The following CLEC4F variants were observed in gnomAD, a reference collection of about 807,000 sequenced individuals.
The protein encoded by CLEC4F is C-type (calcium dependent, carbohydrate-recognition domain) lectin, superfamily member 13.
A neutral mutation model predicts 53.4 loss-of-function variants in CLEC4F; 45 were observed. The ratio of observed to expected loss-of-function variants is 0.84; its 90% CI spans 0.66 to 1.08. CLEC4F has a LOEUF of 1.08. Among genes scored for constraint, CLEC4F ranks in the 50% least tolerant of loss-of-function variants. CLEC4F has a pLI of 0.00. For synonymous variants in CLEC4F, 245 were observed against 257.5 expected (o/e 0.95, Z 0.46); for missense variants, 753 against 698.2 (o/e 1.08, Z -0.88).
At chr2:70,812,355 G>A (rs782785919) in intron 5 of CLEC4F, 92 bp downstream of exon 5, 258 of 1,425,976 alleles carry the variant, frequency 1.8e-4, no homozygotes, top group Middle Eastern at 2.5e-4. Context: ...GGAGGTCTCC[G>A]TCATACCCAC....
At chr2:70,817,236 C>T in intron 3 of CLEC4F, 124 bp from the exon 4 acceptor site, 1 of 988,922 alleles carries the variant, frequency 1.0e-6, no homozygotes, top group Non-Finnish European at 1.4e-6. Context: ...CTCAGTGCTC[C>T]CCCAAGCACC....
chr2:70,818,535 C>T (rs1553396993), intron 3 of CLEC4F, among the ~76,000 whole-genome samples: 1 of 151,932 alleles, frequency 6.6e-6, no homozygotes, highest in Non-Finnish European at 1.5e-5. Context: ...CACGGTGAAA[C>T]TCCGTCTCTA....
At chr2:70,813,474 C>G (rs537093221) in intron 4 of CLEC4F, among the ~76,000 whole-genome samples, 1 of 151,804 alleles carries the variant, frequency 6.6e-6, no homozygotes, top group Non-Finnish European at 1.5e-5. Context: ...GTTACTGGAG[C>G]TGAGTCTCTC....
upstream of CLEC4F, among the ~76,000 whole-genome samples, chr2:70,824,647 C>A (rs375682279): frequency 9.8e-3 from 373 of 38,120 alleles, no homozygotes; most frequent in South Asian, 0.022. Flanking sequence ...AAAAAAAAAA[C>A]TGAGGGAAGT....
chr2:70,817,007 T>G lies in CLEC4F; in HGVS notation c.374A>C (p.Lys125Thr), dbSNP rs913879369. ...CGAATTGACATTGTCCACTCTGCAC[T>G]TCAACATCTGGATTTCTACTACCCA... ...SAWVVEIQML[K>T]CRVDNVNSQL... The change falls in exon 4 of 7, where the codon AAG (lysine) becomes ACG (threonine). Residue 125 changes from lysine (K) to threonine (T), a missense_variant. Transcript: ENST00000272367. The G allele has an allele frequency of 6.2e-7, 1 of 1,614,200 alleles. No homozygotes were observed. The highest frequency in any genetic ancestry group is 1.1e-5 in the South Asian group (1 of 91,088).
Position 70,816,131 on chromosome 2 carries a change from G to C in CLEC4F, c.1250C>G (p.Ala417Gly), listed in dbSNP as rs782119245. The change falls in exon 4 of 7, where the codon GCC becomes GGC. Residue 417 changes from alanine to glycine, a missense_variant. Ala to Gly is a moderately conservative substitution (Grantham distance 60). Transcript: ENST00000272367. ...TQMLDSNLQK[A>G]SAEIQRLRGD... Reference sequence around the variant, plus strand: ...TCTTAACCTCTGGATCTCGGCACTGGCCTTCTGCAGATTGCTGTCTAACAT... The same window carrying C: ...TCTTAACCTCTGGATCTCGGCACTGCCCTTCTGCAGATTGCTGTCTAACAT... 3 of 1,614,190 alleles carry C rather than the reference G, an allele frequency of 1.9e-6. No homozygotes were observed. Among genetic ancestry groups the C allele is most frequent in the Non-Finnish European group, 2.5e-6 (3 of 1,180,020 alleles).
Position 70,809,738 on chromosome 2 carries a change from C to T in CLEC4F, c.1658+1G>A, listed in dbSNP as rs782518965. The T allele has an allele frequency of 1.9e-5, 30 of 1,612,222 alleles. No homozygotes were observed. The highest frequency in any genetic ancestry group is 5.0e-5 in the Admixed American group (3 of 60,000). On this transcript the variant is annotated splice_donor_variant, in intron 6 of 6. Coordinates refer to ENST00000272367, the MANE Select transcript of CLEC4F (RefSeq NM_173535.3). LOFTEE classifies it high-confidence loss of function. ...CAGCGCCAGATGGTGGCTAGACTCA[C>T]GCTTTGTTCTGGGCGGCGTTGAATG...
At chr2:70,819,735 G>A (rs782537788) in intron 2 of CLEC4F, 40 bp downstream of exon 2, 1 of 1,433,078 alleles carries the variant, frequency 7.0e-7, no homozygotes, top group East Asian at 2.3e-5. Flanking sequence ...GTGCTGAAAG[G>A]AGAGAAAGTT....
rs1265358749 is a variant in CLEC4F, at chr2:70,812,556, C to T, written c.1430G>A (p.Gly477Asp). The T allele has an allele frequency of 5.0e-6, 8 of 1,614,098 alleles. No individual in the cohort carries two copies. The highest frequency in any genetic ancestry group is 6.8e-6 in the Non-Finnish European group (8 of 1,180,052). Residue 477 changes from glycine to aspartate, a missense_variant, in exon 5 of 7, where the codon GGT (glycine) becomes GAT (aspartate). Transcript: ENST00000272367. ...ACTAGAAAAATAATATAAGCTTCCA[C>T]CATTGAACTTCCAGCCTTGCAGGAC... is the stretch of plus-strand genomic sequence containing the variant. Reference protein sequence around the residue: ...QMVLQGWKFNGGSLYYFSSVK... With the variant: ...QMVLQGWKFNDGSLYYFSSVK...
chr2:70,809,412 A>G, intron 6 of CLEC4F, 30 bp from the exon 7 acceptor site: 1 of 1,571,904 alleles, frequency 6.4e-7, no homozygotes, highest in Non-Finnish European at 8.6e-7. Flanking sequence ...AAAAACAGAA[A>G]GACCCACTCA....
At position 70,809,396 on chromosome 2, in the gene CLEC4F, G is replaced by C; in HGVS notation, c.1659-14C>G. On this transcript the variant is annotated splice_polypyrimidine_tract_variant and intron_variant, in intron 6 of 6. Coordinates refer to ENST00000272367, the MANE Select transcript of CLEC4F (RefSeq NM_173535.3). ...TTGGAACCAGGCCTGAGTAGGGCAGGGGGAAAAAAACAGAAAGACCCACTC... is the reference window on the plus strand; with the variant it reads ...TTGGAACCAGGCCTGAGTAGGGCAGCGGGAAAAAAACAGAAAGACCCACTC... The C allele has an allele frequency of 6.3e-7, 1 of 1,588,506 alleles. No homozygotes were observed. Among genetic ancestry groups the C allele is most frequent in the Non-Finnish European group, 8.6e-7 (1 of 1,168,168 alleles).
In CLEC4F at chr2:70,812,534, A is replaced by T; in HGVS notation, c.1452T>A (p.Ser484=). 1 of 1,614,238 alleles carries T rather than the reference A, an allele frequency of 6.2e-7. No individual in the cohort carries two copies. Among genetic ancestry groups the T allele is most frequent in the Non-Finnish European group, 8.5e-7 (1 of 1,180,032 alleles). The part of the protein sequence containing the change: ...KFNGGSLYYF[S]SVKKSWHEAE... ...CCTCATGCCAAGACTTCTTGACACT[A>T]GAAAAATAATATAAGCTTCCACCAT... is the stretch of plus-strand genomic sequence containing the variant. The change falls in exon 5 of 7, where the codon TCT becomes TCA. Residue 484 remains serine, a synonymous_variant. Transcript: ENST00000272367.
At chr2:70,817,622 C>T (rs1553396754) in intron 3 of CLEC4F, among the ~76,000 whole-genome samples, 1 of 152,142 alleles carries the variant, frequency 6.6e-6, no homozygotes, top group African/African-American at 2.4e-5. Context: ...ATAAAAACCA[C>T]CACAAACATA....
In CLEC4F at chr2:70,808,786, G is replaced by A; in HGVS notation, c.*485C>T. The A allele has an allele frequency of 2.4e-6, 1 of 421,882 alleles. No homozygotes were observed. Among genetic ancestry groups the A allele is most frequent in the Admixed American group, 3.6e-5 (1 of 27,422 alleles). 26.1% of individuals were successfully genotyped at this position (421,882 alleles called of 1,614,324 possible). On this transcript the variant is annotated 3_prime_UTR_variant, in exon 7 of 7. Coordinates refer to ENST00000272367, the MANE Select transcript of CLEC4F (RefSeq NM_173535.3). ...TCACTCGAGGTAAGCATGTTTGAAA[G>A]GGCTGAATCAAAGAACAAGGCAGGA...
upstream of CLEC4F, among the ~76,000 whole-genome samples, chr2:70,822,520 A>T (rs1383587284): frequency 5.9e-5 from 9 of 152,120 alleles, no homozygotes; most frequent in African/African-American, 2.2e-4. Flanking sequence ...AGTGCCATGG[A>T]GCTGTGCAAA....
Position 70,819,846 on chromosome 2 carries a change from C to T in CLEC4F, c.107G>A (p.Arg36Lys). The T allele has an allele frequency of 5.0e-6, 8 of 1,608,446 alleles. No individual in the cohort carries two copies. The highest frequency in any genetic ancestry group is 1.3e-5 in the African/African-American group (1 of 74,794). ...AAATGCCGGGGTAGCCTGAACGAGC[C>T]TCGGTATCTTGGGGGCTGCAGGAGC... The part of the protein sequence containing the change: ...AMAPAAPKIP[R>K]LVQATPAFMA... The change falls in exon 2 of 7, where the codon AGG (arginine) becomes AAG (lysine). Residue 36 changes from arginine (R) to lysine (K), a missense_variant. Transcript: ENST00000272367.
chr2:70,817,234 T>C (rs1333883382), intron 3 of CLEC4F, 122 bp from the exon 4 acceptor site: 1 of 1,046,432 alleles, frequency 9.6e-7, no homozygotes, highest in Non-Finnish European at 1.3e-6. Context: ...CCCTCAGTGC[T>C]CCCCCAAGCA....
At position 70,809,058 on chromosome 2, in the gene CLEC4F, AG is replaced by A. The variant is rs1415232629; in HGVS notation, c.*212del. 1.9e-5 allele frequency: 15 copies of A among 785,400 alleles called. No homozygotes were observed. Among genetic ancestry groups the A allele is most frequent in the Non-Finnish European group, 2.8e-5 (15 of 532,710 alleles). The allele number at this position is 785,400 out of a possible 1,614,324, so 48.7% of individuals were successfully genotyped here. ...GCCCATTCTTGTGCCGCCAGTTGTC[AG>A]ACTGATTCTTTTCCCAAAACCCGAA... On this transcript the variant is annotated 3_prime_UTR_variant, in exon 7 of 7. Transcript: ENST00000272367.
chr2:70,824,220 C>T (rs1268933476), upstream of CLEC4F, among the ~76,000 whole-genome samples: 2 of 151,844 alleles, frequency 1.3e-5, no homozygotes, highest in Non-Finnish European at 2.9e-5. Context: ...TACAAAGTGT[C>T]CTGATTTTAC....
Sources: gnomAD v4.1 joint callset for allele counts (sites outside exome capture counted in the v4.1 genomes callset) on GRCh38, gnomAD v4.1.1 for gene constraint, MANE v1.5 for transcripts, NCBI Gene and HGNC (gene_info 2026-07-23, HGNC 2026-07-21) for gene names.